Variants in GLG1 observed in about 807,000 individuals in gnomAD.
GLG1 encodes the protein golgi glycoprotein 1.
Under a neutral mutation model 160.5 loss-of-function variants are expected in GLG1, and 38 were observed. That is an observed-to-expected ratio of 0.24 (90% CI 0.18 to 0.31). GLG1 has a LOEUF of 0.31. Among genes scored for constraint, GLG1 ranks in the 10% least tolerant of loss-of-function variants. GLG1 has a pLI of 1.00. For synonymous variants in GLG1, 644 were observed against 543.4 expected, an observed-to-expected ratio of 1.19 and a Z score of -2.57; for missense variants, 1,373 against 1,505.2, an observed-to-expected ratio of 0.91 and a Z score of 1.45.
intron 1 of GLG1, among the ~76,000 whole-genome samples, chr16:74,532,567 A>G (rs2017571580): frequency 6.6e-6 from 1 of 152,208 alleles, no homozygotes. Flanking sequence ...TCTGTCACCC[A>G]GGCTGCCATG....
At chr16:74,465,527 G>A in intron 19 of GLG1, 149 bp downstream of exon 19, 1 of 751,308 alleles carries the variant, frequency 1.3e-6, no homozygotes, top group Non-Finnish European at 2.2e-6. Context: ...GGGGGCCCAG[G>A]AACCCGCAGG....
intron 1 of GLG1, among the ~76,000 whole-genome samples, chr16:74,556,587 G>C (rs1253601483): frequency 6.6e-6 from 1 of 151,994 alleles, no homozygotes; most frequent in Non-Finnish European, 1.5e-5. Flanking sequence ...GGGAGGCAGA[G>C]GTGTGAGGAA....
intron 2 of GLG1, among the ~76,000 whole-genome samples, chr16:74,516,133 T>A (rs1458846448): frequency 1.3e-5 from 2 of 151,504 alleles, no homozygotes; most frequent in Non-Finnish European, 2.9e-5. Flanking sequence ...ACTGTCAACA[T>A]TAGACAGATC....
At chr16:74,590,301 T>C (rs1422292331) in intron 1 of GLG1, among the ~76,000 whole-genome samples, 1 of 151,974 alleles carries the variant, frequency 6.6e-6, no homozygotes, top group East Asian at 1.9e-4. Context: ...GCCTAGCCGA[T>C]AATTTTTCTT....
chr16:74,584,237 G>GT (rs746743437), intron 1 of GLG1, among the ~76,000 whole-genome samples: 27 of 152,162 alleles, frequency 1.8e-4, no homozygotes, highest in Non-Finnish European at 3.2e-4. Context: ...GACAAGAACA[G>GT]TAATGCCAGC....
intron 11 of GLG1, among the ~76,000 whole-genome samples, chr16:74,477,904 T>C (rs1974892): frequency 0.95 from 143,375 of 151,490 alleles, 68,037 homozygotes; most frequent in East Asian, 1. Context: ...ACCCGGGAGG[T>C]GGACATTGTG....
intron 6 of GLG1, among the ~76,000 whole-genome samples, 163 bp downstream of exon 6, chr16:74,494,597 G>A (rs566982404): frequency 2.0e-5 from 3 of 151,784 alleles, no homozygotes; most frequent in Non-Finnish European, 4.4e-5. Flanking sequence ...AGTAGAGACG[G>A]CGTTTCACCA....
Position 74,462,193 on chromosome 16 carries a change from G to A in GLG1, c.2937C>T (p.Arg979=). 6.4e-7 allele frequency: 1 copy of A among 1,568,976 alleles called. No homozygotes were observed. Among genetic ancestry groups the A allele is most frequent in the Non-Finnish European group, 8.8e-7 (1 of 1,139,432 alleles). ...SCLKLRYADQ[R]LSSDCEDQIR... ...TCTGGTCTTCACAGTCTGAAGACAG[G>A]CGCTGCATGTGACAAAGGGAGGATA... Residue 979 remains arginine, a splice_region_variant and synonymous_variant, in exon 22 of 26, where the codon CGC becomes CGT. Coordinates refer to ENST00000422840, the MANE Select transcript of GLG1 (RefSeq NM_001145667.2).
chr16:74,491,075 C>G lies in GLG1; in HGVS notation c.1375G>C (p.Gly459Arg), dbSNP rs1473814580. 6.2e-7 allele frequency: 1 copy of G among 1,614,180 alleles called. No individual in the cohort carries two copies. Among genetic ancestry groups the G allele is most frequent in the East Asian group, 2.2e-5 (1 of 44,886 alleles). ...TTCATCAGACAGTGTAGGGTCCGCC[C>G]TTTTCGATGTAATCCGGAACAATGG... ...EHHCSGLHRK[G>R]RTLHCLMKVV... Residue 459 changes from glycine to arginine, a missense_variant, in exon 8 of 26, where the codon GGG becomes CGG. This residue lies in a region of GLG1 where 386 missense variants were observed against 388.5 expected (regional missense o/e 0.99). Coordinates refer to ENST00000422840, the MANE Select transcript of GLG1 (RefSeq NM_001145667.2).
chr16:74,472,492 G>T, intron 13 of GLG1, 81 bp from the exon 14 acceptor site: 1 of 1,347,246 alleles, frequency 7.4e-7, no homozygotes, highest in Non-Finnish European at 1.0e-6. Context: ...TTCTGAATCA[G>T]TAATATCTGA....
At position 74,491,228 on chromosome 16, in the gene GLG1, G is replaced by A. The variant is rs773122363; in HGVS notation, c.1235-13C>T. 44 of 1,576,986 alleles carry A rather than the reference G, an allele frequency of 2.8e-5. No homozygotes were observed. Among genetic ancestry groups the A allele is most frequent in the South Asian group, 6.7e-5 (6 of 90,152 alleles). On this transcript the variant is annotated splice_polypyrimidine_tract_variant and intron_variant, in intron 7 of 25. Transcript: ENST00000422840. ...CTGACTTGTCGCCCTAAGTTAGGATGTAAGTCATAACATTACGAAGGGTGA... is the reference window on the plus strand; with the variant it reads ...CTGACTTGTCGCCCTAAGTTAGGATATAAGTCATAACATTACGAAGGGTGA...
intron 1 of GLG1, among the ~76,000 whole-genome samples, chr16:74,580,331 T>A (rs1957910389): frequency 6.7e-6 from 1 of 149,602 alleles, no homozygotes; most frequent in African/African-American, 2.5e-5. Context: ...CAAAAAAAAC[T>A]AAAAAAAAAC....
Position 74,471,210 on chromosome 16 carries a change from T to C in GLG1, c.2192A>G (p.Asn731Ser). ...LIQNKHQKDM[N>S]EKCAIGVTHF... ...GGTAACTCCGATGGCACACTTCTCG[T>C]TCATGTCCTTCTGGTGTTTGTTCTG... Residue 731 changes from asparagine to serine, a missense_variant, in exon 15 of 26, where the codon AAC becomes AGC. By Grantham distance (46) the Asn-to-Ser change is conservative. Transcript: ENST00000422840. 1 of 1,612,730 alleles carries C rather than the reference T, an allele frequency of 6.2e-7. No homozygotes were observed. Among genetic ancestry groups the C allele is most frequent in the African/African-American group, 1.3e-5 (1 of 75,018 alleles).
At chr16:74,557,773 T>C (rs1287093009) in intron 1 of GLG1, among the ~76,000 whole-genome samples, 3 of 150,274 alleles carry the variant, frequency 2.0e-5, no homozygotes, top group South Asian at 2.1e-4. Context: ...TTTGGTAGGG[T>C]TGGGGTTTCA....
Position 74,450,391 on chromosome 16 carries a change from T to G in GLG1, c.*2776A>C, listed in dbSNP as rs1293828461. 1 of 152,184 alleles carries G rather than the reference T, an allele frequency of 6.6e-6. No individual in the cohort carries two copies. Among genetic ancestry groups the G allele is most frequent in the Non-Finnish European group, 1.5e-5 (1 of 68,040 alleles). 9.4% of individuals were successfully genotyped at this position (152,184 alleles called of 1,614,324 possible). A position where few individuals can be genotyped will look rare whatever the true frequency, so the allele number is the denominator to read the frequency against. ...CTTAATGAGTGCGGCCAGTTCAGACTTTGCTGGCCTTGGCACTTAGAAAAA... is the reference window on the plus strand; with the variant it reads ...CTTAATGAGTGCGGCCAGTTCAGACGTTGCTGGCCTTGGCACTTAGAAAAA... On this transcript the variant is annotated 3_prime_UTR_variant, in exon 26 of 26. Coordinates refer to ENST00000422840, the MANE Select transcript of GLG1 (RefSeq NM_001145667.2).
At chr16:74,581,340 G>A (rs1429235705) in intron 1 of GLG1, among the ~76,000 whole-genome samples, 3 of 152,028 alleles carry the variant, frequency 2.0e-5, no homozygotes, top group Non-Finnish European at 4.4e-5. Context: ...TGATACACAT[G>A]CCGCAACATG....
chr16:74,527,853 A>C (rs1162618737), intron 2 of GLG1, among the ~76,000 whole-genome samples: 2 of 150,240 alleles, frequency 1.3e-5, no homozygotes, highest in Non-Finnish European at 3.0e-5. Context: ...CAGCCTCCCA[A>C]GTAGATGGGA....
At chr16:74,582,008 G>A (rs573215817) in intron 1 of GLG1, among the ~76,000 whole-genome samples, 5 of 152,198 alleles carry the variant, frequency 3.3e-5, no homozygotes, top group African/African-American at 4.8e-5. Context: ...CCTCTCTTGC[G>A]TAGCATTTTA....
intron 13 of GLG1, chr16:74,472,632 G>A (rs754823728): frequency 2.5e-5 from 34 of 1,339,000 alleles, no homozygotes; most frequent in South Asian, 1.7e-4. Flanking sequence ...ATTCCCTTTC[G>A]GCCTGAACAA....
Sources: gnomAD v4.1 joint callset for allele counts (sites outside exome capture counted in the v4.1 genomes callset) on GRCh38, gnomAD v4.1.1 for gene constraint, gnomAD v4.1.1 regional missense constraint, MANE v1.5 for transcripts, NCBI Gene and HGNC (gene_info 2026-07-23, HGNC 2026-07-21) for gene names.